Variants in PAH observed in about 807,000 individuals in gnomAD.
The protein encoded by PAH is phenylalanine-4-hydroxylase.
Under a neutral mutation model 62.0 loss-of-function variants are expected in PAH, and 64 were observed. That is an observed-to-expected ratio of 1.03 (90% CI 0.84 to 1.27). The LOEUF (loss-of-function observed/expected upper bound fraction) is 1.27, where lower values mean the gene tolerates loss of function less well. PAH is among the 50% of genes most tolerant of loss of function. PAH has a pLI of 0.00. For synonymous variants in PAH, 195 were observed against 196.2 expected (o/e 0.99, Z 0.05); for missense variants, 579 against 542.8 (o/e 1.07, Z -0.66).
At chr12:102,910,523 A>G (rs1878164358) in intron 2 of PAH, among the ~76,000 whole-genome samples, 1 of 152,016 alleles carries the variant, frequency 6.6e-6, no homozygotes, top group African/African-American at 2.4e-5. Flanking sequence ...GGCACCCACC[A>G]CCACGCCGGG....
chr12:102,954,450 T>C (rs1879854972), upstream of PAH, among the ~76,000 whole-genome samples: 1 of 152,162 alleles, frequency 6.6e-6, no homozygotes, highest in East Asian at 1.9e-4. Context: ...TCCCTTTCTC[T>C]TTAGACCTGG....
intron 3 of PAH, among the ~76,000 whole-genome samples, chr12:102,889,823 G>C (rs1877204103): frequency 6.6e-6 from 1 of 152,096 alleles, no homozygotes; most frequent in Non-Finnish European, 1.5e-5. Flanking sequence ...GAATTTTCTA[G>C]CCCCCACTAA....
chr12:102,958,346 GGCCGCAGCCGCGGCGGCCGCA>G (rs1184377336), exon 1 of PAH: 5 of 1,435,330 alleles, frequency 3.5e-6, no homozygotes, highest in South Asian at 2.9e-5. Context: ...TCTTTGCCAC[GGCCGCAGCCGCGGCGGCCGCA>G]GCCGCCGCAG....
chr12:102,861,820 G>A (rs1158065245), intron 5 of PAH, among the ~76,000 whole-genome samples: 1 of 152,068 alleles, frequency 6.6e-6, no homozygotes, highest in Non-Finnish European at 1.5e-5. Flanking sequence ...ATCACACACG[G>A]GCCTGTTGTG....
At chr12:102,874,692 G>A (rs1416758438) in intron 4 of PAH, among the ~76,000 whole-genome samples, 1 of 152,214 alleles carries the variant, frequency 6.6e-6, no homozygotes, top group African/African-American at 2.4e-5. Context: ...GAAAGGAAAG[G>A]AAGGAGACTG....
At chr12:102,881,539 C>T (rs1876813205) in intron 3 of PAH, among the ~76,000 whole-genome samples, 1 of 152,098 alleles carries the variant, frequency 6.6e-6, no homozygotes, top group African/African-American at 2.4e-5. Context: ...ACAATAGTCA[C>T]CATGCAGTAC....
Position 102,840,380 on chromosome 12 carries a change from G to T in PAH, c.1315+20C>A. 1 of 1,449,450 alleles carries T rather than the reference G, an allele frequency of 6.9e-7. No homozygotes were observed. Among genetic ancestry groups the T allele is most frequent in the Non-Finnish European group, 9.7e-7 (1 of 1,030,110 alleles). The allele number at this position is 1,449,450 out of a possible 1,614,324, so 89.8% of individuals were successfully genotyped here. On this transcript the variant is annotated intron_variant, in intron 12 of 12. Coordinates refer to ENST00000553106, the MANE Select transcript of PAH (RefSeq NM_000277.3). ...GATTACTGAGAAACCGAGTGGCCTCGTAAGGTGTAAATTACTTACTGTTAA... is the reference window on the plus strand; with the variant it reads ...GATTACTGAGAAACCGAGTGGCCTCTTAAGGTGTAAATTACTTACTGTTAA...
rs1726755672 is a variant in PAH, at chr12:102,837,311, C to T, written c.*1864G>A. On this transcript the variant is annotated 3_prime_UTR_variant, in exon 13 of 13. Coordinates refer to ENST00000553106, the MANE Select transcript of PAH (RefSeq NM_000277.3). ...AACTTTACCTTCAAGCTCATTAAAACATCTTTACTGGACTAAAACTCACTC... is the reference window on the plus strand; with the variant it reads ...AACTTTACCTTCAAGCTCATTAAAATATCTTTACTGGACTAAAACTCACTC... 2 of 152,172 alleles carry T rather than the reference C, an allele frequency of 1.3e-5. No individual in the cohort carries two copies. The highest frequency in any genetic ancestry group is 4.1e-4 in the South Asian group (2 of 4,830). The allele number at this position is 152,172 out of a possible 1,614,324, so 9.4% of individuals were successfully genotyped here. A position where few individuals can be genotyped will look rare whatever the true frequency, so the allele number is the denominator to read the frequency against.
chr12:102,875,787 C>G (rs749161191), intron 4 of PAH, among the ~76,000 whole-genome samples: 35 of 152,072 alleles, frequency 2.3e-4, no homozygotes, highest in Non-Finnish European at 4.4e-4. Flanking sequence ...ATATTCAAGG[C>G]AGCCATTGGA....
chr12:102,951,358 G>C (rs1879755646), upstream of PAH, among the ~76,000 whole-genome samples: 1 of 152,156 alleles, frequency 6.6e-6, no homozygotes, highest in Non-Finnish European at 1.5e-5. Flanking sequence ...GGTCAACGAA[G>C]CAGAGTTGTT....
chr12:102,925,518 C>T (rs1363130687), intron 1 of PAH, among the ~76,000 whole-genome samples: 1 of 152,088 alleles, frequency 6.6e-6, no homozygotes, highest in Non-Finnish European at 1.5e-5. Flanking sequence ...CTAAGAGACA[C>T]GGATTGATAT....
At chr12:102,956,726 G>A (rs545630149) in intron 1 of PAH, among the ~76,000 whole-genome samples, 271 of 152,130 alleles carry the variant, frequency 1.8e-3, no homozygotes, top group African/African-American at 6.3e-3. Flanking sequence ...TGGGGAGGGG[G>A]TGGCGGTAGG....
At chr12:102,897,444 CATAT>C (rs1451647492) in intron 2 of PAH, among the ~76,000 whole-genome samples, 1 of 131,076 alleles carries the variant, frequency 7.6e-6, no homozygotes, top group African/African-American at 3.3e-5. Flanking sequence ...TATTAACTCT[CATAT>C]ATATGTGTGT....
chr12:102,950,582 G>C (rs1394332437), intron 1 of PAH: 13 of 152,306 alleles, frequency 8.5e-5, no homozygotes, highest in African/African-American at 3.1e-4. Flanking sequence ...GGGGACACAC[G>C]ACTGACCTCA....
chr12:102,851,838 G>A (rs1330330394), intron 7 of PAH, 82 bp from the exon 8 acceptor site: 7 of 1,017,292 alleles, frequency 6.9e-6, no homozygotes, highest in Middle Eastern at 2.0e-4. Context: ...TGAGGAATGG[G>A]CAGAAAGAAT....
intron 4 of PAH, among the ~76,000 whole-genome samples, chr12:102,867,054 C>G (rs1876010947): frequency 6.6e-6 from 1 of 152,192 alleles, no homozygotes. Flanking sequence ...CTTTTAATTT[C>G]TTGATAGACG....
chr12:102,851,686 C>T lies in PAH; in HGVS notation c.912+1G>A, dbSNP rs62514956. ...AGAAGGCTAAAAAATCCATTCCTTACCTGGGAAAACTGGGCAAAGCTGCGA... is the reference window on the plus strand; with the variant it reads ...AGAAGGCTAAAAAATCCATTCCTTATCTGGGAAAACTGGGCAAAGCTGCGA... On this transcript the variant is annotated splice_donor_variant, in intron 8 of 12. Transcript: ENST00000553106. LOFTEE classifies it high-confidence loss of function. 63 of 1,613,330 alleles carry T rather than the reference C, an allele frequency of 3.9e-5. No homozygotes were observed. Among genetic ancestry groups the T allele is most frequent in the Non-Finnish European group, 4.9e-5 (58 of 1,179,510 alleles).
intron 1 of PAH, among the ~76,000 whole-genome samples, chr12:102,937,607 A>G (rs1035760665): frequency 1.3e-5 from 2 of 152,050 alleles, no homozygotes; most frequent in Admixed American, 6.5e-5. Context: ...CTATTTATAT[A>G]TTATTGTACT....
chr12:102,925,111 C>A (rs566907148), intron 1 of PAH, among the ~76,000 whole-genome samples: 2 of 152,260 alleles, frequency 1.3e-5, no homozygotes, highest in African/African-American at 4.8e-5. Flanking sequence ...CTTTCCCAGC[C>A]TTTCTTGCAG....
Sources: gnomAD v4.1 joint callset for allele counts (sites outside exome capture counted in the v4.1 genomes callset) on GRCh38, gnomAD v4.1.1 for gene constraint, MANE v1.5 for transcripts, NCBI Gene and HGNC (gene_info 2026-07-23, HGNC 2026-07-21) for gene names.